The following RNPC3 variants were observed in gnomAD, a reference collection of about 807,000 sequenced individuals.
RNPC3 encodes the protein RNA binding region (RNP1, RRM) containing 3.
RNPC3 carries 48 observed loss-of-function variants against 67.5 expected under a neutral mutation model. The ratio of observed to expected loss-of-function variants is 0.71; its 90% CI spans 0.56 to 0.90. The LOEUF (loss-of-function observed/expected upper bound fraction) is 0.90. Ranked by LOEUF, RNPC3 falls within the 40% of genes least tolerant of loss-of-function variation. The probability of loss-of-function intolerance (pLI) is 0.00; values close to 1 mark genes in which losing one functional copy is unlikely to be tolerated. For missense variants in RNPC3, 637 were observed against 626.1 expected (o/e 1.02, Z -0.19); for synonymous variants, 239 against 210.3 (o/e 1.14, Z -1.18).
At chr1:103,548,182 T>G (rs1335995162) in intron 12 of RNPC3, among the ~76,000 whole-genome samples, 1 of 152,198 alleles carries the variant, frequency 6.6e-6, no homozygotes, top group Non-Finnish European at 1.5e-5. Flanking sequence ...TGGAGACATA[T>G]TCCTCATTTT....
At chr1:103,548,136 G>A (rs1284832459) in intron 12 of RNPC3, among the ~76,000 whole-genome samples, 1 of 152,160 alleles carries the variant, frequency 6.6e-6, no homozygotes, top group Non-Finnish European at 1.5e-5. Flanking sequence ...GTCCTCAGGT[G>A]ATGGGAGGGG....
At chr1:103,547,932 G>C (rs1023649771) in intron 12 of RNPC3, among the ~76,000 whole-genome samples, 2 of 152,156 alleles carry the variant, frequency 1.3e-5, no homozygotes, top group African/African-American at 4.8e-5. Context: ...CTTGACATCT[G>C]TGCACTGGCA....
intron 7 of RNPC3, among the ~76,000 whole-genome samples, chr1:103,540,460 C>G (rs970983953): frequency 6.6e-6 from 1 of 152,100 alleles, no homozygotes; most frequent in Non-Finnish European, 1.5e-5. Context: ...CTTGTAGAGG[C>G]TTGGTGTACT....
chr1:103,530,241 A>T (rs1420659153), intron 2 of RNPC3, among the ~76,000 whole-genome samples: 3 of 152,170 alleles, frequency 2.0e-5, no homozygotes, highest in Non-Finnish European at 2.9e-5. Context: ...GGAGACAGAC[A>T]ATAAATAATA....
At chr1:103,535,219 C>T (rs1650950971) in intron 4 of RNPC3, 111 bp from the exon 5 acceptor site, 1 of 635,382 alleles carries the variant, frequency 1.6e-6, no homozygotes, top group Non-Finnish European at 2.6e-6. Flanking sequence ...CAAGGTAAAT[C>T]TAATAGTACT....
chr1:103,549,831 C>CTT (rs1651341907), intron 12 of RNPC3, among the ~76,000 whole-genome samples: 1 of 152,074 alleles, frequency 6.6e-6, no homozygotes, highest in South Asian at 2.1e-4. Flanking sequence ...ATTGAGGTTC[C>CTT]TTTCTACTCC....
chr1:103,538,666 A>G (rs1007835830), intron 7 of RNPC3, among the ~76,000 whole-genome samples: 1 of 152,222 alleles, frequency 6.6e-6, no homozygotes, highest in Admixed American at 6.5e-5. Context: ...ACCTTAGAAC[A>G]TAACTTAGAA....
chr1:103,550,688 T>A (rs1015599392), intron 12 of RNPC3, among the ~76,000 whole-genome samples: 2 of 150,812 alleles, frequency 1.3e-5, no homozygotes, highest in Non-Finnish European at 3.0e-5. Context: ...TTGCTAATAG[T>A]ATAATTTTTA....
In RNPC3 at chr1:103,526,250, T is replaced by C. The variant is rs192837663; in HGVS notation, c.180T>C (p.Asp60=). ...CTCAGTCTGTGCGGGTCCTGTCAGA[T>C]AAGGGGCGACTGGTAAGGGCGCGCC... is the stretch of plus-strand genomic sequence containing the variant. ...FGAQSVRVLS[D]KGRLKHTAFA... The change falls in exon 1 of 15, where the codon GAT becomes GAC. Residue 60 remains aspartate, a synonymous_variant. Coordinates refer to ENST00000423855, the MANE Select transcript of RNPC3 (RefSeq NM_017619.4). The C allele has an allele frequency of 5.8e-6, 9 of 1,543,808 alleles. No individual in the cohort carries two copies. Among genetic ancestry groups the C allele is most frequent in the African/African-American group, 1.4e-5 (1 of 72,714 alleles).
At chr1:103,551,886 T>G in intron 14 of RNPC3, 94 bp downstream of exon 14, 1 of 175,534 alleles carries the variant, frequency 5.7e-6, no homozygotes. Context: ...CAGGTATCTC[T>G]TTTTTTTTTT....
chr1:103,549,081 A>G (rs1340782839), intron 12 of RNPC3, among the ~76,000 whole-genome samples: 2 of 152,182 alleles, frequency 1.3e-5, no homozygotes, highest in Non-Finnish European at 2.9e-5. Context: ...ACACATGGGA[A>G]TTGTAGGAGT....
chr1:103,547,413 A>G (rs1343358971), intron 12 of RNPC3, among the ~76,000 whole-genome samples: 1 of 152,128 alleles, frequency 6.6e-6, no homozygotes, highest in Non-Finnish European at 1.5e-5. Flanking sequence ...CTCTAAATAC[A>G]TGGTTCTCAG....
chr1:103,554,639 T>TA (rs1651488730), intron 14 of RNPC3: 1 of 152,586 alleles, frequency 6.6e-6, no homozygotes, highest in Admixed American at 6.5e-5. Flanking sequence ...ACTGCTTTGT[T>TA]AGAGTAAAAT....
rs1157979214 is a variant in RNPC3, at chr1:103,551,759, G to A, written c.1533G>A (p.Lys511=). The change falls in exon 14 of 15, where the codon AAG becomes AAA. Residue 511 remains lysine, a synonymous_variant. Transcript: ENST00000423855. The part of the protein sequence containing the change: ...ARSARPKQDP[K]EGKRKC ...CTGCTAGACCAAAACAAGATCCTAA[G>A]GAAGGAAAAAGAAAGTGTTAAAAAT... The A allele has an allele frequency of 7.9e-6, 12 of 1,525,680 alleles. No individual in the cohort carries two copies. Among genetic ancestry groups the A allele is most frequent in the Non-Finnish European group, 1.1e-5 (12 of 1,132,458 alleles). 94.5% of individuals were successfully genotyped at this position (1,525,680 alleles called of 1,614,324 possible).
chr1:103,532,693 C>G (rs1195723279), intron 2 of RNPC3, among the ~76,000 whole-genome samples: 1 of 151,936 alleles, frequency 6.6e-6, no homozygotes, highest in Non-Finnish European at 1.5e-5. Context: ...AGGAAGAAAA[C>G]TAAGAATGTA....
chr1:103,535,846 G>C (rs1650971137), intron 5 of RNPC3, among the ~76,000 whole-genome samples: 1 of 152,064 alleles, frequency 6.6e-6, no homozygotes, highest in East Asian at 1.9e-4. Flanking sequence ...CAATAATTGG[G>C]TTAAAGATAT....
chr1:103,543,510 C>T (rs1190243142), intron 9 of RNPC3, 63 bp downstream of exon 9: 3 of 1,178,972 alleles, frequency 2.5e-6, no homozygotes, highest in Non-Finnish European at 3.4e-6. Context: ...TTAAGTTTTA[C>T]ATATAATGTT....
intron 1 of RNPC3, among the ~76,000 whole-genome samples, chr1:103,526,518 A>C (rs1328101857): frequency 2.0e-5 from 3 of 152,204 alleles, no homozygotes; most frequent in Admixed American, 6.5e-5. Context: ...AAATTAGCTT[A>C]GTTATATTGA....
In RNPC3 at chr1:103,533,773, G is replaced by C. The variant is rs1375877274; in HGVS notation, c.275G>C (p.Gly92Ala). Residue 92 changes from glycine to alanine, a missense_variant, in exon 3 of 15, where the codon GGT (glycine) becomes GCT (alanine). Physicochemically the swap from Gly to Ala is moderately conservative, Grantham distance 60. This residue lies in a region of RNPC3 where 536 missense variants were observed against 500.3 expected (regional missense o/e 1.07). Transcript: ENST00000423855. ...LTRLHQLKLL[G>A]HTLVVEFAKE... ...AGACTCCATCAACTGAAACTTTTAG[G>C]TCATACTTTAGTCGTTGAATTTGCA... 1.3e-6 allele frequency: 2 copies of C among 1,533,476 alleles called. No homozygotes were observed. Among genetic ancestry groups the C allele is most frequent in the African/African-American group, 1.4e-5 (1 of 72,682 alleles). 95.0% of individuals were successfully genotyped at this position (1,533,476 alleles called of 1,614,324 possible).
Sources: allele counts gnomAD v4.1 joint callset (sites outside exome capture counted in the v4.1 genomes callset), GRCh38; gene constraint gnomAD v4.1.1; regional missense constraint gnomAD v4.1.1; transcripts MANE v1.5; gene names NCBI Gene and HGNC (gene_info 2026-07-23, HGNC 2026-07-21).